Variants in COL4A2 observed in about 807,000 individuals in gnomAD.
COL4A2 encodes collagen alpha-2(IV) chain.
A neutral mutation model predicts 200.2 loss-of-function variants in COL4A2; 99 were observed. The ratio of observed to expected loss-of-function variants is 0.49; its 90% CI spans 0.42 to 0.58. The LOEUF (loss-of-function observed/expected upper bound fraction) is 0.58. Ranked by LOEUF, COL4A2 falls within the 20% of genes least tolerant of loss-of-function variation. COL4A2 has a pLI of 0.00. For missense variants in COL4A2, 1,950 were observed against 2,314.1 expected (o/e 0.84, Z 3.23); for synonymous variants, 897 against 900.6 (o/e 1.00, Z 0.07).
chr13:110,424,656 G>A, intron 4 of COL4A2, 78 bp from the exon 5 acceptor site: 1 of 900,012 alleles, frequency 1.1e-6, no homozygotes. Flanking sequence ...AAAAAATGTA[G>A]TTTTGAAAGT....
At chr13:110,486,420 C>T (rs1883120566) in intron 34 of COL4A2, among the ~76,000 whole-genome samples, 1 of 152,234 alleles carries the variant, frequency 6.6e-6, no homozygotes, top group Non-Finnish European at 1.5e-5. Context: ...GCTGTATAGA[C>T]AGTGTGTATA....
chr13:110,503,067 C>G (rs1781777975), intron 41 of COL4A2, 54 bp from the exon 42 acceptor site: 10 of 1,565,934 alleles, frequency 6.4e-6, no homozygotes, highest in Non-Finnish European at 8.7e-6. Context: ...TGACTGCCCC[C>G]AGGGGCCTTG....
At position 110,508,321 on chromosome 13, in the gene COL4A2, G is replaced by T; in HGVS notation, c.4881+100G>T. The T allele has an allele frequency of 6.5e-7, 1 of 1,541,796 alleles. No homozygotes were observed. Among genetic ancestry groups the T allele is most frequent in the Non-Finnish European group, 8.8e-7 (1 of 1,133,794 alleles). ...AGAAGAATCAGACACGGCAGTCCAG[G>T]GTGTGCACTGCACAAGGGTAGTTGG... On this transcript the variant is annotated intron_variant, in intron 47 of 47. Coordinates refer to ENST00000360467, the MANE Select transcript of COL4A2 (RefSeq NM_001846.4). The surrounding 1 kb of genome is among the most constrained non-coding windows in gnomAD (Gnocchi z 6.1).
At chr13:110,498,836 G>A (rs1883542789) in intron 40 of COL4A2, among the ~76,000 whole-genome samples, 1 of 152,224 alleles carries the variant, frequency 6.6e-6, no homozygotes, top group African/African-American at 2.4e-5. Context: ...GTGACCTCCT[G>A]TGGCCCTCCT....
At chr13:110,331,646 G>A (rs1363133992) in intron 3 of COL4A2, among the ~76,000 whole-genome samples, 3 of 152,060 alleles carry the variant, frequency 2.0e-5, no homozygotes, top group Non-Finnish European at 4.4e-5. Context: ...TAAGACCAAG[G>A]GCAGTAGGAG....
At position 110,501,761 on chromosome 13, in the gene COL4A2, C is replaced by T. The variant is rs753148213; in HGVS notation, c.3854C>T (p.Ala1285Val). The T allele has an allele frequency of 6.2e-6, 10 of 1,613,532 alleles. No homozygotes were observed. The highest frequency in any genetic ancestry group is 2.2e-5 in the East Asian group (1 of 44,886). ...NISGAPGDKGAPGIFGLKGYR... is the reference protein window; with the variant it reads ...NISGAPGDKGVPGIFGLKGYR... The stretch of plus-strand genomic sequence containing the variant: ...TCTGGGGCACCTGGTGACAAAGGGG[C>T]GCCAGGGATATTTGGCCTGAAAGGT... The change falls in exon 41 of 48, where the codon GCG becomes GTG. Residue 1285 changes from alanine (A) to valine (V), a missense_variant. Ala to Val is a moderately conservative substitution (Grantham distance 64, BLOSUM62 0). Coordinates refer to ENST00000360467, the MANE Select transcript of COL4A2 (RefSeq NM_001846.4).
intron 20 of COL4A2, among the ~76,000 whole-genome samples, chr13:110,450,909 T>G (rs9521768): frequency 0.67 from 101,264 of 152,082 alleles, 34,212 homozygotes; most frequent in Middle Eastern, 0.76. Context: ...CTTGATAATC[T>G]GCCTTCTCAG....
chr13:110,477,510 A>G (rs1882748141), intron 29 of COL4A2, among the ~76,000 whole-genome samples: 1 of 152,240 alleles, frequency 6.6e-6, no homozygotes, highest in Non-Finnish European at 1.5e-5. Flanking sequence ...TACGACATGG[A>G]CATGGATAAA....
At chr13:110,377,506 G>A (rs188064649) in intron 4 of COL4A2, among the ~76,000 whole-genome samples, 60 of 152,294 alleles carry the variant, frequency 3.9e-4, no homozygotes, top group African/African-American at 1.4e-3. Context: ...TCCTGGGTGT[G>A]CCCACCCCAC....
chr13:110,489,475 CTG>C lies in COL4A2; in HGVS notation c.3240_3241del (p.Tyr1081TrpfsTer8). 1 of 1,614,134 alleles carries C rather than the reference CTG, an allele frequency of 6.2e-7. No homozygotes were observed. The highest frequency in any genetic ancestry group is 1.1e-5 in the South Asian group (1 of 91,068). On this transcript the variant is annotated frameshift_variant, in exon 35 of 48. Transcript: ENST00000360467. LOFTEE classifies it high-confidence loss of function. ...CAAAGGTGCCCCAGGGAGAGCAGGC[CTG>C]TATGGCGAGATTGGCGCGACTGGTG... is the stretch of plus-strand genomic sequence containing the variant. Reference protein sequence around the residue: ...GDKGAPGRAGLYGEIGATGDF... With the variant: ...GDKGAPGRAGXYGEIGATGDF...
intron 3 of COL4A2, among the ~76,000 whole-genome samples, chr13:110,310,478 G>A (rs1884945461): frequency 6.6e-6 from 1 of 152,002 alleles, no homozygotes; most frequent in African/African-American, 2.4e-5. Context: ...AAAAAAAATA[G>A]ATATTTTTAA....
At chr13:110,465,038 T>C (rs1307637772) in intron 24 of COL4A2, among the ~76,000 whole-genome samples, 3 of 152,210 alleles carry the variant, frequency 2.0e-5, no homozygotes. Flanking sequence ...GATGCTAAAT[T>C]ATAACAACAA....
At chr13:110,446,074 G>A (rs1881309817) in intron 17 of COL4A2, among the ~76,000 whole-genome samples, 192 bp downstream of exon 17, 1 of 152,208 alleles carries the variant, frequency 6.6e-6, no homozygotes, top group African/African-American at 2.4e-5. Context: ...CCCTGCCAGG[G>A]AGAAGGGTGC....
chr13:110,431,401 G>GGGTTA (rs1325059376), intron 10 of COL4A2, among the ~76,000 whole-genome samples: 1 of 152,080 alleles, frequency 6.6e-6, no homozygotes, highest in Non-Finnish European at 1.5e-5. Flanking sequence ...TAACAGTTGG[G>GGGTTA]GGGTACTCAT....
intron 4 of COL4A2, among the ~76,000 whole-genome samples, chr13:110,388,334 G>A (rs11838776): frequency 0.25 from 38,688 of 152,142 alleles, 5,134 homozygotes; most frequent in Middle Eastern, 0.3. Context: ...TGGCCAGTAG[G>A]TGTGGGCGTG....
intron 3 of COL4A2, among the ~76,000 whole-genome samples, chr13:110,355,022 C>A (rs1444867908): frequency 1.3e-5 from 2 of 152,190 alleles, no homozygotes; most frequent in Non-Finnish European, 2.9e-5. Flanking sequence ...AAGTGATAGT[C>A]CTGTTTAGTC....
intron 4 of COL4A2, among the ~76,000 whole-genome samples, chr13:110,411,319 C>T (rs922274234): frequency 2.6e-5 from 4 of 152,218 alleles, no homozygotes; most frequent in African/African-American, 7.2e-5. Context: ...GAAAATCTTC[C>T]TAATGCAGCC....
At chr13:110,373,660 A>G (rs1430079587) in intron 4 of COL4A2, among the ~76,000 whole-genome samples, 1 of 152,228 alleles carries the variant, frequency 6.6e-6, no homozygotes, top group Non-Finnish European at 1.5e-5. Flanking sequence ...GGTTGTGCAC[A>G]TGAGAGATAA....
chr13:110,482,170 G>A (rs901513492), intron 31 of COL4A2, among the ~76,000 whole-genome samples: 3 of 152,248 alleles, frequency 2.0e-5, no homozygotes, highest in African/African-American at 7.2e-5. Context: ...TGTTACTGCT[G>A]CCTTCCTTTC....
Sources: gnomAD v4.1 joint callset for allele counts (sites outside exome capture counted in the v4.1 genomes callset) on GRCh38, gnomAD v4.1.1 for gene constraint, Gnocchi (gnomAD v3.1) non-coding constraint, MANE v1.5 for transcripts, NCBI Gene and HGNC (gene_info 2026-07-23, HGNC 2026-07-21) for gene names.